The following ZNF157 variants were observed in gnomAD, a reference collection of about 807,000 sequenced individuals.
ZNF157 encodes zinc finger protein 22.
In ZNF157, 8 loss-of-function variants were observed where a neutral mutation model predicts 9.4. That is an observed-to-expected ratio of 0.85 (90% CI 0.50 to 1.53). ZNF157 has a LOEUF of 1.53. ZNF157 is among the 40% of genes most tolerant of loss of function. The pLI, the probability that ZNF157 is intolerant of heterozygous loss-of-function variation, is 0.00. For missense variants in ZNF157, 316 were observed against 385.2 expected (o/e 0.82, Z 1.50); for synonymous variants, 120 against 130.8 (o/e 0.92, Z 0.56).
intron 1 of ZNF157, among the ~76,000 whole-genome samples, chrX:47,393,767 C>T (rs1428610786): frequency 2.8e-5 from 2 of 72,592 alleles, no homozygotes. Context: ...TAGACAAAGT[C>T]TTGCTCTGTC....
At chrX:47,371,043 T>C (rs2147397953) in intron 1 of ZNF157, among the ~76,000 whole-genome samples, 1 of 111,379 alleles carries the variant, frequency 9.0e-6, no homozygotes, top group South Asian at 3.8e-4. Context: ...ATTTCAAGAA[T>C]GTTGTGGCTG....
chrX:47,385,663 G>A (rs2055877675), intron 1 of ZNF157, among the ~76,000 whole-genome samples: 1 of 108,837 alleles, frequency 9.2e-6, no homozygotes, highest in African/African-American at 3.3e-5. Flanking sequence ...TGCCTCCCGG[G>A]TTCAAGCCGT....
chrX:47,399,336 A>G (rs1437544572), intron 1 of ZNF157, among the ~76,000 whole-genome samples: 1 of 111,440 alleles, frequency 9.0e-6, no homozygotes, highest in African/African-American at 3.3e-5. Context: ...AATCTATCTC[A>G]TTAGGCCCAT....
chrX:47,376,166 G>A (rs988872069), intron 1 of ZNF157, among the ~76,000 whole-genome samples: 5 of 111,958 alleles, frequency 4.5e-5, no homozygotes, highest in Non-Finnish European at 9.4e-5. Context: ...TTCACCTACC[G>A]AAGGGCACTT....
intron 1 of ZNF157, among the ~76,000 whole-genome samples, chrX:47,400,448 C>T (rs1198539113): frequency 1.8e-5 from 2 of 111,860 alleles, no homozygotes; most frequent in Non-Finnish European, 3.8e-5. Context: ...GCATGAGCTA[C>T]TGGACCCAGC....
At chrX:47,380,005 CT>C (rs2055856478) in intron 1 of ZNF157, among the ~76,000 whole-genome samples, 1 of 110,654 alleles carries the variant, frequency 9.0e-6, no homozygotes, top group South Asian at 3.8e-4. Context: ...ATGTTGACTA[CT>C]TTGGATTTTT....
intron 1 of ZNF157, among the ~76,000 whole-genome samples, chrX:47,383,540 A>T (rs947747752): frequency 1.9e-5 from 2 of 106,425 alleles, no homozygotes; most frequent in Non-Finnish European, 3.9e-5. Flanking sequence ...TACAAAAAAA[A>T]AATAATAAAT....
intron 1 of ZNF157, among the ~76,000 whole-genome samples, chrX:47,378,787 G>A (rs191088819): frequency 2.2e-4 from 24 of 111,236 alleles, no homozygotes; most frequent in East Asian, 1.1e-3. Flanking sequence ...GCAGTGAGCC[G>A]AGATCGTGCC....
chrX:47,383,533 A>G (rs1299534650), intron 1 of ZNF157, among the ~76,000 whole-genome samples: 1 of 102,358 alleles, frequency 9.8e-6, no homozygotes, highest in Non-Finnish European at 2.0e-5. Flanking sequence ...CCATCTCTAC[A>G]AAAAAAAAAT....
intron 1 of ZNF157, among the ~76,000 whole-genome samples, chrX:47,390,650 AG>A (rs1186185767): frequency 1.8e-5 from 2 of 112,883 alleles, no homozygotes; most frequent in Non-Finnish European, 3.7e-5. Context: ...GGTTGCAGTG[AG>A]CCCAGATTGC....
intron 1 of ZNF157, among the ~76,000 whole-genome samples, chrX:47,387,712 G>A (rs1050712300): frequency 3.7e-5 from 4 of 107,546 alleles, no homozygotes; most frequent in African/African-American, 1.3e-4. Context: ...GACCAGCCTG[G>A]CCAATGTAGT....
At chrX:47,410,614 TC>T in intron 2 of ZNF157, 65 bp from the exon 3 acceptor site, 2 of 1,045,911 alleles carry the variant, frequency 1.9e-6, no homozygotes, top group Non-Finnish European at 2.6e-6. Context: ...TGCACCTTCC[TC>T]CTCCATCAGA....
Position 47,413,537 on chromosome X carries a change from T to C in ZNF157, c.1464T>C (p.His488=), listed in dbSNP as rs1184231689. ...GCCGGAAAGCACACCTCACAGAACATCAGAGAACTCACATAGGCTGGTCCT... is the reference window on the plus strand; with the variant it reads ...GCCGGAAAGCACACCTCACAGAACACCAGAGAACTCACATAGGCTGGTCCT... ...AFCRKAHLTE[H]QRTHIGWSWR... The change falls in exon 4 of 4, where the codon CAT becomes CAC. Residue 488 remains histidine (H), a synonymous_variant. Transcript: ENST00000377073. 1 of 1,210,270 alleles carries C rather than the reference T, an allele frequency of 8.3e-7. No individual in the cohort carries two copies. Among genetic ancestry groups the C allele is most frequent in the South Asian group, 1.8e-5 (1 of 56,804 alleles).
intron 1 of ZNF157, among the ~76,000 whole-genome samples, chrX:47,373,757 T>G (rs968966134): frequency 9.4e-6 from 1 of 106,049 alleles, no homozygotes; most frequent in Non-Finnish European, 1.9e-5. Context: ...CAGGCTGGAG[T>G]GCAGTGACAG....
At chrX:47,386,304 C>T (rs962084407) in intron 1 of ZNF157, among the ~76,000 whole-genome samples, 1 of 110,668 alleles carries the variant, frequency 9.0e-6, no homozygotes, top group African/African-American at 3.3e-5. Context: ...GACACAACCC[C>T]AGGATGTCTC....
chrX:47,404,311 C>T (rs969248364), intron 1 of ZNF157, among the ~76,000 whole-genome samples: 13 of 108,411 alleles, frequency 1.2e-4, no homozygotes, highest in South Asian at 4.2e-4. Context: ...ATTACAGGCG[C>T]GCACCACCAT....
chrX:47,401,394 A>G lies in ZNF157; in HGVS notation c.73-8882A>G, dbSNP rs750073725. 3.6e-5 allele frequency among the ~76,000 whole-genome samples: 4 copies of G among 112,182 alleles called. No homozygotes were observed. The South Asian group carries it at 1.1e-3, about 31-fold the overall frequency. On this transcript the variant is annotated intron_variant, in intron 1 of 3. Coordinates refer to ENST00000377073, the MANE Select transcript of ZNF157 (RefSeq NM_003446.4). ...CTTATATAAGGGCTCAAAAGCATCAAGAGAGTGTCTGCTCTTTGCAATTCA... is the reference window on the plus strand; with the variant it reads ...CTTATATAAGGGCTCAAAAGCATCAGGAGAGTGTCTGCTCTTTGCAATTCA...
At chrX:47,398,009 T>G (rs1306197288) in intron 1 of ZNF157, among the ~76,000 whole-genome samples, 2 of 108,750 alleles carry the variant, frequency 1.8e-5, no homozygotes, top group East Asian at 2.9e-4. Flanking sequence ...TGTTTTTGTG[T>G]TTTTTTTTGA....
At chrX:47,392,424 G>C (rs892128471) in intron 1 of ZNF157, 3 of 111,664 alleles carry the variant, frequency 2.7e-5, no homozygotes, top group African/African-American at 6.5e-5. Flanking sequence ...GAATTTAGGG[G>C]CTACCCAGTT....
Sources: gnomAD v4.1 joint callset for allele counts (sites outside exome capture counted in the v4.1 genomes callset) on GRCh38, gnomAD v4.1.1 for gene constraint, MANE v1.5 for transcripts, NCBI Gene and HGNC (gene_info 2026-07-23, HGNC 2026-07-21) for gene names.